The following THEM4 variants were observed in gnomAD, a reference collection of about 807,000 sequenced individuals.
THEM4 encodes thioesterase superfamily member 4.
Under a neutral mutation model 25.0 loss-of-function variants are expected in THEM4, and 22 were observed. The observed-to-expected ratio is 0.88, with a 90% CI of 0.63 to 1.26. The LOEUF is 1.26. Among genes scored for constraint, THEM4 ranks in the 50% most tolerant of loss-of-function variants. The pLI is 0.00. For synonymous variants in THEM4, 113 were observed against 105.6 expected, an observed-to-expected ratio of 1.07 and a Z score of -0.43; for missense variants, 286 against 300.3, an observed-to-expected ratio of 0.95 and a Z score of 0.35.
intron 1 of THEM4, among the ~76,000 whole-genome samples, chr1:151,908,301 T>C (rs1175956962): frequency 2.0e-5 from 3 of 152,230 alleles, no homozygotes; most frequent in African/African-American, 7.2e-5. Context: ...TGTCTTTCTG[T>C]ATGCTCCACA....
At chr1:151,882,455 T>C (rs1019252261) in intron 4 of THEM4, among the ~76,000 whole-genome samples, 1 of 152,190 alleles carries the variant, frequency 6.6e-6, no homozygotes, top group Non-Finnish European at 1.5e-5. Context: ...AAATATCTCT[T>C]TAAGAAAAGT....
chr1:151,887,652 T>A (rs932904290), intron 4 of THEM4, among the ~76,000 whole-genome samples: 4 of 152,068 alleles, frequency 2.6e-5, no homozygotes, highest in Admixed American at 6.5e-5. Context: ...TGTTGTTGTT[T>A]TTTTTACAGT....
chr1:151,897,915 G>A (rs1413180881), intron 1 of THEM4, among the ~76,000 whole-genome samples: 2 of 151,686 alleles, frequency 1.3e-5, no homozygotes, highest in Admixed American at 1.3e-4. Context: ...TACAGGGTAA[G>A]GGAAGCAGCA....
intron 2 of THEM4, chr1:151,890,248 A>C (rs1220831329): frequency 2.2e-6 from 1 of 456,742 alleles, no homozygotes; most frequent in Non-Finnish European, 4.4e-6. Flanking sequence ...AGTTAACAGA[A>C]CCATATACTC....
Position 151,891,799 on chromosome 1 carries a change from G to A in THEM4, c.287-2426C>T, listed in dbSNP as rs143272940. On this transcript the variant is annotated intron_variant, in intron 2 of 5. Coordinates refer to ENST00000368814, the MANE Select transcript of THEM4 (RefSeq NM_053055.5). ...CTGAGGAGCCACTGTGTAGATGCTC[G>A]AGTTGCTGAGGATGCTGAATGGAGT... Among the ~76,000 whole-genome samples the A allele has an allele frequency of 1.1e-3, 166 of 152,106 alleles. 1 individual carries two copies. The highest frequency in any genetic ancestry group is 1.9e-3 in the Non-Finnish European group (130 of 67,970).
intron 1 of THEM4, among the ~76,000 whole-genome samples, chr1:151,905,820 A>G (rs568381084): frequency 8.5e-5 from 13 of 152,404 alleles, no homozygotes; most frequent in East Asian, 1.9e-4. Context: ...AGTGAAGGTT[A>G]TAAGACATGC....
At chr1:151,902,780 G>A (rs1054170580) in intron 1 of THEM4, among the ~76,000 whole-genome samples, 4 of 152,172 alleles carry the variant, frequency 2.6e-5, no homozygotes, top group Non-Finnish European at 5.9e-5. Context: ...TTGAGGTCAG[G>A]AGTTTGAGAC....
chr1:151,898,606 G>A (rs1654276348), intron 1 of THEM4, among the ~76,000 whole-genome samples: 1 of 152,222 alleles, frequency 6.6e-6, no homozygotes, highest in South Asian at 2.1e-4. Flanking sequence ...TCTGGAAAGT[G>A]CCACCTCTTG....
intron 1 of THEM4, among the ~76,000 whole-genome samples, chr1:151,907,285 G>C (rs28415528): frequency 6.6e-6 from 1 of 151,960 alleles, no homozygotes; most frequent in African/African-American, 2.4e-5. Context: ...AGGAACAAAC[G>C]CCGGACATGC....
chr1:151,907,759 A>G (rs1572086002), intron 1 of THEM4, among the ~76,000 whole-genome samples: 1 of 151,852 alleles, frequency 6.6e-6, no homozygotes, highest in East Asian at 1.9e-4. Context: ...AACGGCACCT[A>G]TTTTTCTTTT....
Position 151,895,192 on chromosome 1 carries a change from C to T in THEM4, c.102G>A (p.Arg34=), listed in dbSNP as rs1471518560. 6.2e-7 allele frequency: 1 copy of T among 1,606,028 alleles called. No homozygotes were observed. The highest frequency in any genetic ancestry group is 8.5e-7 in the Non-Finnish European group (1 of 1,178,078). Residue 34 remains arginine (R), a splice_region_variant and synonymous_variant, in exon 2 of 6, where the codon AGG becomes AGA. Transcript: ENST00000368814. ...LPGSEPRPEL[R]SFSSEEVILK... is the part of the protein sequence containing the mutation. ...GAATGACTTCCTCAGAAGAAAATGA[C>T]CTCTAAAAGACAGAAGAAAAAGAAA...
chr1:151,874,958 A>C, intron 5 of THEM4, 30 bp from the exon 6 acceptor site: 1 of 1,571,092 alleles, frequency 6.4e-7, no homozygotes, highest in Non-Finnish European at 8.8e-7. Flanking sequence ...GCAGATGATT[A>C]TATGTCAACT....
chr1:151,885,149 C>T lies in THEM4; in HGVS notation c.557+3124G>A, dbSNP rs148457424. On this transcript the variant is annotated intron_variant, in intron 4 of 5. Coordinates refer to ENST00000368814, the MANE Select transcript of THEM4 (RefSeq NM_053055.5). Reference sequence around the variant, plus strand: ...TTTATTTATTTTTCTGATGGAGTATCGCTCTGTTGCCCAGGCTGGAGTGCA... The same window carrying T: ...TTTATTTATTTTTCTGATGGAGTATTGCTCTGTTGCCCAGGCTGGAGTGCA... Among the ~76,000 whole-genome samples the T allele has an allele frequency of 2.7e-3, 410 of 151,418 alleles. 2 individuals are homozygous for T. The highest frequency in any genetic ancestry group is 9.5e-3 in the African/African-American group (392 of 41,158).
At chr1:151,879,043 G>C (rs1185654746) in intron 4 of THEM4, among the ~76,000 whole-genome samples, 1 of 151,898 alleles carries the variant, frequency 6.6e-6, no homozygotes, top group Non-Finnish European at 1.5e-5. Context: ...GGCCAAAAAG[G>C]ATATAGATTT....
intron 4 of THEM4, 72 bp downstream of exon 4, chr1:151,888,201 G>A (rs1183723689): frequency 3.4e-6 from 4 of 1,161,226 alleles, no homozygotes; most frequent in Non-Finnish European, 3.7e-6. Flanking sequence ...ACAAATTATG[G>A]TGTCAAGATC....
Position 151,875,024 on chromosome 1 carries a change from G to A in THEM4, c.683-96C>T, listed in dbSNP as rs906457373. 46 of 1,019,278 alleles carry A rather than the reference G, an allele frequency of 4.5e-5. No homozygotes were observed. The South Asian group carries it at 5.9e-4, about 13-fold the overall frequency. The allele number at this position is 1,019,278 out of a possible 1,614,324, so 63.1% of individuals were successfully genotyped here. The stretch of plus-strand genomic sequence containing the variant: ...AAAGACATATACAAAAGAAGGATTT[G>A]ATTCACATTTGTAGCTTCAGTCTAT... On this transcript the variant is annotated intron_variant, in intron 5 of 5. Transcript: ENST00000368814.
chr1:151,894,911 A>T, intron 2 of THEM4, 97 bp downstream of exon 2: 1 of 1,320,086 alleles, frequency 7.6e-7, no homozygotes, highest in Non-Finnish European at 1.1e-6. Flanking sequence ...CCTGCATTAT[A>T]TTCTTTCTTT....
intron 4 of THEM4, among the ~76,000 whole-genome samples, chr1:151,878,920 A>ACACACACACACACACACACACACG (rs1339463536): frequency 2.6e-5 from 4 of 151,596 alleles, no homozygotes; most frequent in African/African-American, 4.8e-5. Context: ...ACACACACAC[A>ACACACACACACACACACACACACG]CACACACACT....
At position 151,877,093 on chromosome 1, in the gene THEM4, T is replaced by C; in HGVS notation, c.590A>G (p.Asn197Ser). ...TCCTTCAACTTTATCAAGTTGGCTA[T>C]TTATCATAACAACAGAACAAAGAGG... ...PIPLCSVVMI[N>S]SQLDKVEGRK... is the part of the protein sequence containing the mutation. The change falls in exon 5 of 6, where the codon AAT becomes AGT. Residue 197 changes from asparagine to serine, a missense_variant. Coordinates refer to ENST00000368814, the MANE Select transcript of THEM4 (RefSeq NM_053055.5). 1.2e-6 allele frequency: 2 copies of C among 1,613,576 alleles called. No homozygotes were observed. The highest frequency in any genetic ancestry group is 1.7e-6 in the Non-Finnish European group (2 of 1,179,798).
Sources: allele counts gnomAD v4.1 joint callset (sites outside exome capture counted in the v4.1 genomes callset), GRCh38; gene constraint gnomAD v4.1.1; transcripts MANE v1.5; gene names NCBI Gene and HGNC (gene_info 2026-07-23, HGNC 2026-07-21).